AUNIP: variants seen among roughly 807,000 people sequenced by gnomAD.
AUNIP encodes aurora kinase A and ninein interacting protein, also known as aurora kinase A- and ninein-interacting protein.
Under a neutral mutation model 12.2 loss-of-function variants are expected in AUNIP, and 16 were observed. The ratio of observed to expected loss-of-function variants is 1.31; its 90% CI spans 0.88 to 1.99. The LOEUF (loss-of-function observed/expected upper bound fraction) is 1.99. Among genes scored for constraint, AUNIP ranks in the 30% most tolerant of loss-of-function variants. AUNIP has a pLI of 0.00. For missense variants in AUNIP, 411 were observed against 419.1 expected (o/e 0.98, Z 0.17); for synonymous variants, 142 against 154.8 (o/e 0.92, Z 0.61).
chr1:25,831,934 T>C (rs1339542360), downstream of AUNIP: 8 of 1,614,024 alleles, frequency 5.0e-6, no homozygotes, highest in African/African-American at 1.3e-5. Context: ...CCGGAGTTTA[T>C]TGAAGGAGGA....
chr1:25,845,254 AAGTAC>A (rs1204628167), intron 1 of AUNIP, among the ~76,000 whole-genome samples: 1 of 152,182 alleles, frequency 6.6e-6, no homozygotes, highest in Non-Finnish European at 1.5e-5. Flanking sequence ...ATTAATCTCA[AAGTAC>A]AGCTGTGATC....
chr1:25,838,435 G>A (rs1338569252), intron 1 of AUNIP, among the ~76,000 whole-genome samples: 9 of 152,084 alleles, frequency 5.9e-5, no homozygotes, highest in Admixed American at 3.3e-4. Context: ...CCAGGGAGGC[G>A]GAGGTTGCAA....
chr1:25,837,568 G>GA lies in AUNIP; in HGVS notation c.79-15dup. 1 of 1,605,128 alleles carries GA rather than the reference G, an allele frequency of 6.2e-7. No homozygotes were observed. Among genetic ancestry groups the GA allele is most frequent in the Non-Finnish European group, 8.5e-7 (1 of 1,175,912 alleles). On this transcript the variant is annotated splice_polypyrimidine_tract_variant and intron_variant, in intron 1 of 2. Transcript: ENST00000374298. ...GATTAAATGTGTCTGAGAAAGGAGA[G>GA]AAAAAAGAATAATGAGCCTATTAAT... is the stretch of plus-strand genomic sequence containing the variant.
intron 2 of AUNIP, 64 bp from the exon 3 acceptor site, chr1:25,835,910 G>A: frequency 6.4e-7 from 1 of 1,564,378 alleles, no homozygotes. Context: ...GGATTCAGTT[G>A]GCTTTTTCTG....
At position 25,835,142 on chromosome 1, in the gene AUNIP, C is replaced by A; in HGVS notation, c.925G>T (p.Val309Leu). 6.2e-7 allele frequency: 1 copy of A among 1,614,216 alleles called. No individual in the cohort carries two copies. The highest frequency in any genetic ancestry group is 1.1e-5 in the South Asian group (1 of 91,092). ...AAGTCCCAATTCCAGTTATTGGTTACATCTTGAAAAGGAGCTCTAGTGTTG... is the reference window on the plus strand; with the variant it reads ...AAGTCCCAATTCCAGTTATTGGTTAAATCTTGAAAAGGAGCTCTAGTGTTG... ...AHNTRAPFQD[V>L]TNNWNWDLGP... is the part of the protein sequence containing the mutation. Residue 309 changes from valine (V) to leucine (L), a missense_variant, in exon 3 of 3, where the codon GTA (valine) becomes TTA (leucine). Physicochemically the swap from Val to Leu is conservative, Grantham distance 32 (BLOSUM62 1). Coordinates refer to ENST00000374298, the MANE Select transcript of AUNIP (RefSeq NM_024037.3).
Position 25,835,733 on chromosome 1 carries a change from G to T in AUNIP, c.334C>A (p.His112Asn), listed in dbSNP as rs758460528. 6 of 1,614,236 alleles carry T rather than the reference G, an allele frequency of 3.7e-6. No individual in the cohort carries two copies. The South Asian group carries it at 5.5e-5, about 15-fold the overall frequency. The change falls in exon 3 of 3, where the codon CAC (histidine) becomes AAC (asparagine). Residue 112 changes from histidine (H) to asparagine (N), a missense_variant. By Grantham distance (68) the His-to-Asn change is moderately conservative. Coordinates refer to ENST00000374298, the MANE Select transcript of AUNIP (RefSeq NM_024037.3). ...QLDHLIPGLA[H>N]DCMASPLATS... The stretch of plus-strand genomic sequence containing the variant: ...GCTAAAGGGGATGCCATGCAATCGT[G>T]TGCTAAGCCTGGGATCAAATGGTCT...
chr1:25,846,249 T>C (rs2048382370), intron 1 of AUNIP, among the ~76,000 whole-genome samples: 2 of 151,558 alleles, frequency 1.3e-5, no homozygotes, highest in Non-Finnish European at 2.9e-5. Flanking sequence ...TGAAACCTCA[T>C]CTCTACTAAA....
chr1:25,839,658 T>A (rs926219202), intron 1 of AUNIP, among the ~76,000 whole-genome samples: 2 of 152,112 alleles, frequency 1.3e-5, no homozygotes, highest in East Asian at 3.8e-4. Context: ...GCCAAAACAA[T>A]TTTCAATATT....
intron 1 of AUNIP, among the ~76,000 whole-genome samples, chr1:25,846,512 T>C (rs1015267819): frequency 6.7e-6 from 1 of 149,144 alleles, no homozygotes; most frequent in Non-Finnish European, 1.5e-5. Flanking sequence ...TCACCTGTGG[T>C]CAGGAGTTCA....
chr1:25,842,322 G>A (rs771880835), intron 1 of AUNIP, among the ~76,000 whole-genome samples: 3 of 152,236 alleles, frequency 2.0e-5, no homozygotes, highest in Non-Finnish European at 2.9e-5. Context: ...GCCTAATTCA[G>A]AGAGCAAGGC....
At chr1:25,832,252 A>C, downstream of AUNIP, 1 of 1,276,622 alleles carries the variant, frequency 7.8e-7, no homozygotes, top group South Asian at 1.3e-5. Context: ...TGTTTCAGGT[A>C]ATCGTGTAGA....
At chr1:25,831,915 C>T, downstream of AUNIP, 1 of 1,612,108 alleles carries the variant, frequency 6.2e-7, no homozygotes, top group Non-Finnish European at 8.5e-7. Context: ...ATTATTGTGT[C>T]TCTAGGAACC....
chr1:25,841,738 A>G (rs1171248759), intron 1 of AUNIP, among the ~76,000 whole-genome samples: 2 of 151,902 alleles, frequency 1.3e-5, no homozygotes, highest in African/African-American at 4.8e-5. Context: ...GTTGGCCAGG[A>G]TGGTCTCGAT....
At chr1:25,832,005 T>TA, downstream of AUNIP, 2 of 1,614,186 alleles carry the variant, frequency 1.2e-6, no homozygotes, top group Non-Finnish European at 1.7e-6. Flanking sequence ...AGGAAGAAGA[T>TA]ATCAGTAGAA....
At chr1:25,844,928 T>C (rs564062774) in intron 1 of AUNIP, among the ~76,000 whole-genome samples, 6 of 152,302 alleles carry the variant, frequency 3.9e-5, no homozygotes, top group East Asian at 3.9e-4. Context: ...CTGAGTCAGG[T>C]TGAAAGGATG....
chr1:25,850,924 A>T (rs2048420611), intron 1 of AUNIP, among the ~76,000 whole-genome samples: 1 of 152,146 alleles, frequency 6.6e-6, no homozygotes, highest in South Asian at 2.1e-4. Context: ...CTCTAGTGCA[A>T]TGGTAAACAG....
rs1295527939 is a variant in AUNIP, at chr1:25,834,336, C to T, written c.*657G>A. On this transcript the variant is annotated 3_prime_UTR_variant, in exon 3 of 3. Transcript: ENST00000374298. ...AGAGATTAAAAGCTCACACATCTGGCTGGGCGCGGTGGCTTATGCCTGTAA... is the reference window on the plus strand; with the variant it reads ...AGAGATTAAAAGCTCACACATCTGGTTGGGCGCGGTGGCTTATGCCTGTAA... 5 of 984,378 alleles carry T rather than the reference C, an allele frequency of 5.1e-6. No individual in the cohort carries two copies. The highest frequency in any genetic ancestry group is 3.5e-5 in the African/African-American group (2 of 56,366). 61.0% of individuals were successfully genotyped at this position (984,378 alleles called of 1,614,324 possible).
chr1:25,844,958 C>A (rs1444098905), intron 1 of AUNIP, among the ~76,000 whole-genome samples: 1 of 152,158 alleles, frequency 6.6e-6, no homozygotes, highest in Non-Finnish European at 1.5e-5. Flanking sequence ...CATAAGCATG[C>A]CCTAAGGAGG....
In AUNIP at chr1:25,850,084, G is replaced by C. The variant is rs112039242; in HGVS notation, c.78+9196C>G. Among the ~76,000 whole-genome samples the C allele has an allele frequency of 6.6e-4, 101 of 152,014 alleles. 1 individual carries two copies. Among genetic ancestry groups the C allele is most frequent in the African/African-American group, 2.3e-3 (96 of 41,454 alleles). On this transcript the variant is annotated intron_variant, in intron 1 of 2. Transcript: ENST00000374298. ...ACATACGTTTTCCTATCTCTCGGGG[G>C]TACATACTTAAATGGGCAAATTTTA...
Sources: gnomAD v4.1 joint callset for allele counts (sites outside exome capture counted in the v4.1 genomes callset) on GRCh38, gnomAD v4.1.1 for gene constraint, MANE v1.5 for transcripts, NCBI Gene and HGNC (gene_info 2026-07-23, HGNC 2026-07-21) for gene names.